USH2A: variants seen among roughly 807,000 people sequenced by gnomAD.
USH2A encodes the protein Usher syndrome 2A (autosomal recessive, mild).
Under a neutral mutation model 538.9 loss-of-function variants are expected in USH2A, and 443 were observed. The observed-to-expected ratio is 0.82, with a 90% CI of 0.76 to 0.89. The LOEUF is 0.89. Ranked by LOEUF, USH2A falls within the 40% of genes least tolerant of loss-of-function variation. The probability of loss-of-function intolerance (pLI) is 0.00; values close to 1 mark genes in which losing one functional copy is unlikely to be tolerated. For synonymous variants in USH2A, 2,413 were observed against 2,273.5 expected (o/e 1.06, Z -1.75); for missense variants, 6,633 against 6,324.8 (o/e 1.05, Z -1.65).
In USH2A at chr1:215,674,696, G is replaced by T. The variant is rs370176892; in HGVS notation, c.13215C>A (p.Cys4405Ter). The change falls in exon 63 of 72, where the codon TGC becomes TGA. Residue 4405 changes from cysteine (C) to a stop codon, truncating the protein, a stop_gained. Transcript: ENST00000307340. LOFTEE classifies it high-confidence loss of function. ...AAGGCTGCAGGTGGGAAACCAGCAG[G>T]CACAGGCCCTGGCCAGCAAGGGACT... is the stretch of plus-strand genomic sequence containing the variant. ...NKESLAGQGL[C>*]LLVSHLQPYS... 2 of 1,613,970 alleles carry T rather than the reference G, an allele frequency of 1.2e-6. No individual in the cohort carries two copies. Among genetic ancestry groups the T allele is most frequent in the African/African-American group, 1.3e-5 (1 of 74,996 alleles).
intron 3 of USH2A, among the ~76,000 whole-genome samples, chr1:216,387,260 G>A (rs1204028084): frequency 6.6e-6 from 1 of 152,154 alleles, no homozygotes; most frequent in Non-Finnish European, 1.5e-5. Context: ...CACTTGCAAT[G>A]CCTAAATCTG....
At chr1:215,714,502 TA>T (rs1659427446) in intron 61 of USH2A, among the ~76,000 whole-genome samples, 1 of 152,236 alleles carries the variant, frequency 6.6e-6, no homozygotes, top group South Asian at 2.1e-4. Context: ...TTCTCATTAA[TA>T]TTAATGCATG....
chr1:215,702,108 G>T (rs1472149457), intron 61 of USH2A, among the ~76,000 whole-genome samples: 2 of 152,118 alleles, frequency 1.3e-5, no homozygotes, highest in Non-Finnish European at 2.9e-5. Flanking sequence ...GAAATTCTGG[G>T]TTGAAAATTC....
At chr1:215,758,880 C>A in intron 57 of USH2A, 128 bp from the exon 58 acceptor site, 2 of 991,396 alleles carry the variant, frequency 2.0e-6, no homozygotes, top group Non-Finnish European at 3.0e-6. Flanking sequence ...TGCCCCCTTT[C>A]CAGAAACTTG....
rs537456542 is a variant in USH2A, at chr1:215,843,028, T to A, written c.9258+1266A>T. Among the ~76,000 whole-genome samples, 16 of 152,312 alleles carry A rather than the reference T, an allele frequency of 1.1e-4. No homozygotes were observed. The South Asian group carries it at 3.3e-3, about 32-fold the overall frequency. ...TAATTAATGTACCTTTCTTCTTTAT[T>A]CAAAGATATTTTTATTTGGTTTTCT... On this transcript the variant is annotated intron_variant, in intron 46 of 71. Coordinates refer to ENST00000307340, the MANE Select transcript of USH2A (RefSeq NM_206933.4).
At chr1:215,750,724 A>T (rs1176268337) in intron 58 of USH2A, among the ~76,000 whole-genome samples, 1 of 152,104 alleles carries the variant, frequency 6.6e-6, no homozygotes, top group East Asian at 1.9e-4. Context: ...TCAGACTTGG[A>T]CTCACACCCA....
chr1:215,787,977 G>C (rs904395056), intron 51 of USH2A, among the ~76,000 whole-genome samples: 2 of 152,214 alleles, frequency 1.3e-5, no homozygotes, highest in African/African-American at 2.4e-5. Flanking sequence ...CTAGCAGGTA[G>C]AGGTTGCAGT....
At chr1:216,129,739 G>C (rs2033330264) in intron 21 of USH2A, among the ~76,000 whole-genome samples, 1 of 151,742 alleles carries the variant, frequency 6.6e-6, no homozygotes, top group Non-Finnish European at 1.5e-5. Flanking sequence ...GAAAGACCTA[G>C]AACAGTCCAA....
chr1:216,277,313 A>G (rs1452558763), intron 11 of USH2A, among the ~76,000 whole-genome samples: 1 of 152,054 alleles, frequency 6.6e-6, no homozygotes, highest in Non-Finnish European at 1.5e-5. Context: ...TGTGCTCATG[A>G]ACAAATCTTT....
At chr1:215,709,255 A>T (rs1354758206) in intron 61 of USH2A, among the ~76,000 whole-genome samples, 1 of 152,224 alleles carries the variant, frequency 6.6e-6, no homozygotes, top group Non-Finnish European at 1.5e-5. Flanking sequence ...TTTTCTTGAT[A>T]ATTTTATCTA....
At chr1:215,911,347 A>G (rs1374557700) in intron 38 of USH2A, among the ~76,000 whole-genome samples, 1 of 151,832 alleles carries the variant, frequency 6.6e-6, no homozygotes, top group African/African-American at 2.4e-5. Flanking sequence ...TCCTCTCCCC[A>G]ACCCTCCACT....
chr1:216,312,596 A>G (rs79044482), intron 9 of USH2A, among the ~76,000 whole-genome samples: 5,948 of 152,188 alleles, frequency 0.039, 178 homozygotes, highest in Middle Eastern at 0.11. Flanking sequence ...GGCATTCTTT[A>G]TTTCTATGAA....
At chr1:216,369,753 A>AT (rs2038665553) in intron 3 of USH2A, among the ~76,000 whole-genome samples, 1 of 151,668 alleles carries the variant, frequency 6.6e-6, no homozygotes, top group African/African-American at 2.4e-5. Flanking sequence ...TGTACTTAAA[A>AT]AATATATATA....
intron 56 of USH2A, among the ~76,000 whole-genome samples, chr1:215,761,207 T>C (rs571692237): frequency 5.3e-5 from 8 of 152,316 alleles, no homozygotes; most frequent in African/African-American, 1.9e-4. Flanking sequence ...TGTTCTCATA[T>C]GTAGAATTGT....
intron 3 of USH2A, among the ~76,000 whole-genome samples, chr1:216,394,486 T>C (rs1182921990): frequency 6.6e-6 from 1 of 152,142 alleles, no homozygotes; most frequent in Non-Finnish European, 1.5e-5. Context: ...CAAAAACCAA[T>C]AGAATTGTGC....
Position 215,674,949 on chromosome 1 carries a change from T to C in USH2A, c.12962A>G (p.Glu4321Gly), listed in dbSNP as rs936692193. Residue 4321 changes from glutamate (E) to glycine (G), a missense_variant, in exon 63 of 72, where the codon GAA (glutamate) becomes GGA (glycine). Glu to Gly is a moderately conservative substitution (Grantham distance 98, BLOSUM62 -2). Transcript: ENST00000307340. The stretch of plus-strand genomic sequence containing the variant: ...ATAGGTGGAAAAAGGAAGAAGCTCT[T>C]CATCAGTGTAATTGAAAGTCACAGG... ...FDPVTFNYTD[E>G]ELLPFSTYSY... The C allele has an allele frequency of 5.0e-6, 8 of 1,614,054 alleles. No individual in the cohort carries two copies. Among genetic ancestry groups the C allele is most frequent in the Non-Finnish European group, 5.1e-6 (6 of 1,180,042 alleles).
At chr1:216,343,109 C>A (rs1299299117) in intron 4 of USH2A, among the ~76,000 whole-genome samples, 2 of 151,830 alleles carry the variant, frequency 1.3e-5, no homozygotes, top group African/African-American at 4.8e-5. Flanking sequence ...ATTTAAATTA[C>A]AACTAGAAGT....
At chr1:215,762,484 C>T (rs1661007170) in intron 56 of USH2A, among the ~76,000 whole-genome samples, 1 of 152,130 alleles carries the variant, frequency 6.6e-6, no homozygotes, top group Non-Finnish European at 1.5e-5. Flanking sequence ...TTTATACCGG[C>T]TGGCAAAAGC....
At chr1:216,289,218 C>T in intron 11 of USH2A, 62 bp downstream of exon 11, 1 of 1,609,046 alleles carries the variant, frequency 6.2e-7, no homozygotes, top group Non-Finnish European at 8.5e-7. Flanking sequence ...AGTGGAATAA[C>T]ATCCAAATAA....
Sources: gnomAD v4.1 joint callset for allele counts (sites outside exome capture counted in the v4.1 genomes callset) on GRCh38, gnomAD v4.1.1 for gene constraint, MANE v1.5 for transcripts, NCBI Gene and HGNC (gene_info 2026-07-23, HGNC 2026-07-21) for gene names.